SEMA5A: variants seen among roughly 807,000 people sequenced by gnomAD.
SEMA5A encodes the protein semaphorin-5A.
A neutral mutation model predicts 135.5 loss-of-function variants in SEMA5A; 55 were observed. The observed-to-expected ratio is 0.41, with a 90% CI of 0.33 to 0.51. The LOEUF is 0.51. Among genes scored for constraint, SEMA5A ranks in the 20% least tolerant of loss-of-function variants. The pLI, the probability that SEMA5A is intolerant of heterozygous loss-of-function variation, is 0.37. For missense variants in SEMA5A, 1,290 were observed against 1,419.9 expected, an observed-to-expected ratio of 0.91 and a Z score of 1.47; for synonymous variants, 580 against 546.5, an observed-to-expected ratio of 1.06 and a Z score of -0.85.
At position 9,197,365 on chromosome 5, in the gene SEMA5A, C is replaced by A. The variant is rs567868956; in HGVS notation, c.933-62G>T. ...GCTCGGCAGCACCTGCTGACCTCCCCCTATGGACTGGGCAGCAGCTGTGAC... is the reference window on the plus strand; with the variant it reads ...GCTCGGCAGCACCTGCTGACCTCCCACTATGGACTGGGCAGCAGCTGTGAC... On this transcript the variant is annotated intron_variant, in intron 9 of 22. Coordinates refer to ENST00000382496, the MANE Select transcript of SEMA5A (RefSeq NM_003966.3). 48 of 1,578,904 alleles carry A rather than the reference C, an allele frequency of 3.0e-5. No homozygotes were observed. In the East Asian group the frequency reaches 4.9e-4, roughly 16 times the overall value.
intron 1 of SEMA5A, among the ~76,000 whole-genome samples, chr5:9,480,849 G>A (rs1460936681): frequency 2.6e-5 from 4 of 152,136 alleles, no homozygotes; most frequent in African/African-American, 9.7e-5. Context: ...AAAATTTAGA[G>A]CCATGGACAC....
intron 2 of SEMA5A, among the ~76,000 whole-genome samples, chr5:9,435,923 A>C (rs367767694): frequency 2.0e-4 from 30 of 152,220 alleles, no homozygotes; most frequent in African/African-American, 7.0e-4. Flanking sequence ...TTCTCTCTAC[A>C]GGTCTGAGTA....
intron 4 of SEMA5A, among the ~76,000 whole-genome samples, chr5:9,323,504 C>T (rs1405528783): frequency 6.6e-6 from 1 of 151,990 alleles, no homozygotes; most frequent in East Asian, 1.9e-4. Context: ...ATTAAAACTC[C>T]ACTTATCAGA....
At chr5:9,320,226 G>A (rs1752567577) in intron 4 of SEMA5A, among the ~76,000 whole-genome samples, 1 of 152,150 alleles carries the variant, frequency 6.6e-6, no homozygotes, top group South Asian at 2.1e-4. Flanking sequence ...TACCCCAAGA[G>A]AAGCTCCCAG....
At chr5:9,247,502 C>A (rs1285783213) in intron 5 of SEMA5A, among the ~76,000 whole-genome samples, 8 of 152,134 alleles carry the variant, frequency 5.3e-5, no homozygotes, top group Non-Finnish European at 1.2e-4. Flanking sequence ...TATCTATGCA[C>A]TAGACTCACT....
intron 15 of SEMA5A, among the ~76,000 whole-genome samples, chr5:9,113,116 C>A (rs865806803): frequency 6.6e-6 from 1 of 152,116 alleles, no homozygotes; most frequent in African/African-American, 2.4e-5. Context: ...CTTGTGAGAA[C>A]CTGAAGCTGT....
chr5:9,234,207 T>C (rs574234973), intron 6 of SEMA5A, among the ~76,000 whole-genome samples: 1 of 152,262 alleles, frequency 6.6e-6, no homozygotes, highest in Admixed American at 6.5e-5. Context: ...TGGGGAAATG[T>C]GGGTTGTCTG....
At chr5:9,348,576 A>C (rs1413646799) in intron 3 of SEMA5A, among the ~76,000 whole-genome samples, 1 of 152,230 alleles carries the variant, frequency 6.6e-6, no homozygotes, top group Non-Finnish European at 1.5e-5. Flanking sequence ...CCTGCAGCAT[A>C]TGATTTTAGG....
At chr5:9,488,062 G>A (rs1440731424) in intron 1 of SEMA5A, among the ~76,000 whole-genome samples, 1 of 152,108 alleles carries the variant, frequency 6.6e-6, no homozygotes, top group Non-Finnish European at 1.5e-5. Context: ...ATCATACGGG[G>A]ATAGCTGACC....
chr5:9,325,024 C>T (rs181941675), intron 4 of SEMA5A, among the ~76,000 whole-genome samples: 29 of 152,250 alleles, frequency 1.9e-4, no homozygotes, highest in African/African-American at 6.5e-4. Flanking sequence ...AGGAATATTG[C>T]CATTCTTCAG....
In SEMA5A at chr5:9,119,156, G is replaced by C. The variant is rs1012011155; in HGVS notation, c.1782-15C>G. ...AGCCTCCGTTCCTGAGGGAAGGGAA[G>C]CAATGCAATCATTAGGTCCCGCAGG... On this transcript the variant is annotated splice_polypyrimidine_tract_variant and intron_variant, in intron 14 of 22. Transcript: ENST00000382496. 6.2e-7 allele frequency: 1 copy of C among 1,612,034 alleles called. No individual in the cohort carries two copies. Among genetic ancestry groups the C allele is most frequent in the African/African-American group, 1.3e-5 (1 of 74,900 alleles).
At chr5:9,201,879 C>G in intron 9 of SEMA5A, 76 bp downstream of exon 9, 1 of 1,403,800 alleles carries the variant, frequency 7.1e-7, no homozygotes. Flanking sequence ...AATTTAAAAC[C>G]TCAGAGGTCA....
intron 8 of SEMA5A, among the ~76,000 whole-genome samples, chr5:9,220,717 G>A (rs551560769): frequency 1.1e-4 from 16 of 152,188 alleles, no homozygotes; most frequent in South Asian, 2.1e-4. Context: ...AAGCCACAGC[G>A]TGCACTACCT....
chr5:9,221,435 TGGG>T (rs1746968638), intron 8 of SEMA5A, among the ~76,000 whole-genome samples: 1 of 150,876 alleles, frequency 6.6e-6, no homozygotes, highest in Non-Finnish European at 1.5e-5. Context: ...CCCGAGTAGC[TGGG>T]ACTACAGGCG....
chr5:9,307,120 A>T (rs1036081024), intron 5 of SEMA5A, among the ~76,000 whole-genome samples: 5 of 152,200 alleles, frequency 3.3e-5, no homozygotes, highest in African/African-American at 1.2e-4. Flanking sequence ...AGTAGAATTG[A>T]ATTTCAAAAA....
chr5:9,225,908 C>A (rs577887184), intron 7 of SEMA5A, among the ~76,000 whole-genome samples: 2 of 152,268 alleles, frequency 1.3e-5, no homozygotes, highest in South Asian at 2.1e-4. Context: ...TAGGTACAGG[C>A]ACACTGCTTG....
At chr5:9,205,904 T>C (rs975617401) in intron 8 of SEMA5A, among the ~76,000 whole-genome samples, 18 of 152,150 alleles carry the variant, frequency 1.2e-4, no homozygotes, top group Admixed American at 3.3e-4. Flanking sequence ...TCGGCTAGCA[T>C]CCTGTTCCTT....
intron 3 of SEMA5A, among the ~76,000 whole-genome samples, chr5:9,354,156 G>T (rs1262511454): frequency 3.3e-5 from 5 of 152,076 alleles, no homozygotes; most frequent in Admixed American, 2.0e-4. Flanking sequence ...TCCTTCCATT[G>T]GCTTTGCCCT....
intron 13 of SEMA5A, among the ~76,000 whole-genome samples, chr5:9,129,047 C>T (rs1486053564): frequency 6.6e-6 from 1 of 152,184 alleles, no homozygotes. Flanking sequence ...TTTGGCCTAG[C>T]ATGAATTAGT....
Sources: allele counts gnomAD v4.1 joint callset (sites outside exome capture counted in the v4.1 genomes callset), GRCh38; gene constraint gnomAD v4.1.1; transcripts MANE v1.5; gene names NCBI Gene and HGNC (gene_info 2026-07-23, HGNC 2026-07-21).